The following RPRD1A variants were observed in gnomAD, a reference collection of about 807,000 sequenced individuals.
RPRD1A encodes regulation of nuclear pre-mRNA domain containing 1A.
RPRD1A carries 9 observed loss-of-function variants against 37.8 expected under a neutral mutation model. That is an observed-to-expected ratio of 0.24 (90% CI 0.14 to 0.42). RPRD1A has a LOEUF of 0.42. Among genes scored for constraint, RPRD1A ranks in the 10% least tolerant of loss-of-function variants. The pLI, the probability that RPRD1A is intolerant of heterozygous loss-of-function variation, is 1.00. For missense variants in RPRD1A, 255 were observed against 371.0 expected, an observed-to-expected ratio of 0.69 and a Z score of 2.57; for synonymous variants, 138 against 139.7, an observed-to-expected ratio of 0.99 and a Z score of 0.08.
At position 36,031,099 on chromosome 18, in the gene RPRD1A, T is replaced by TAAAAAAAAAAA; in HGVS notation, c.282-13_282-3dup. 2 of 1,370,738 alleles carry TAAAAAAAAAAA rather than the reference T, an allele frequency of 1.5e-6. No homozygotes were observed. Among genetic ancestry groups the TAAAAAAAAAAA allele is most frequent in the Non-Finnish European group, 1.9e-6 (2 of 1,060,808 alleles). The allele number at this position is 1,370,738 out of a possible 1,614,324, so 84.9% of individuals were successfully genotyped here. A position where few individuals can be genotyped will look rare whatever the true frequency, so the allele number is the denominator to read the frequency against. On this transcript the variant is annotated splice_polypyrimidine_tract_variant and splice_region_variant and intron_variant, in intron 2 of 6. Transcript: ENST00000399022. ...TTCTTACAACTTTCATCAGTTTCAC[T>TAAAAAAAAAAA]AAAAAAAAAAAAAAAGAAAAAAAGA...
chr18:36,007,846 G>C (rs1387290270), intron 6 of RPRD1A, among the ~76,000 whole-genome samples: 1 of 152,174 alleles, frequency 6.6e-6, no homozygotes, highest in Non-Finnish European at 1.5e-5. Context: ...GCTGAGGCAG[G>C]AGAATCGCTT....
intron 1 of RPRD1A, among the ~76,000 whole-genome samples, chr18:36,034,184 A>G (rs1912019997): frequency 6.6e-6 from 1 of 152,216 alleles, no homozygotes; most frequent in Admixed American, 6.5e-5. Flanking sequence ...TTGTTTTAAT[A>G]GACATGTTAA....
At chr18:36,030,769 T>C (rs1255291441) in intron 4 of RPRD1A, 39 bp downstream of exon 4, 2 of 1,254,134 alleles carry the variant, frequency 1.6e-6, no homozygotes, top group East Asian at 4.6e-5. Context: ...CAACATGAAG[T>C]AAAAGTTTGT....
intron 1 of RPRD1A, among the ~76,000 whole-genome samples, chr18:36,059,152 TAA>T (rs767632481): frequency 1.3e-5 from 2 of 152,300 alleles, no homozygotes; most frequent in Non-Finnish European, 2.9e-5. Context: ...TTTGTAATTT[TAA>T]AAATCTTTTT....
intron 1 of RPRD1A, among the ~76,000 whole-genome samples, chr18:36,053,327 T>C (rs56896499): frequency 0.091 from 13,869 of 152,206 alleles, 668 homozygotes; most frequent in African/African-American, 0.13. Flanking sequence ...CATTAAGTAG[T>C]TATTCCCCAT....
intron 6 of RPRD1A, among the ~76,000 whole-genome samples, chr18:36,021,860 G>C (rs574761770): frequency 2.9e-4 from 44 of 152,170 alleles, no homozygotes; most frequent in African/African-American, 1.1e-3. Flanking sequence ...AATTAGCCAG[G>C]CATGGTATCA....
Position 36,031,431 on chromosome 18 carries a change from A to T in RPRD1A, c.282-334T>A, listed in dbSNP as rs567940774. ...AAGATTTCTCATAGGTTATTTTTTT[A>T]AATTTATTCAACAAATACTTATTGA... On this transcript the variant is annotated intron_variant, in intron 2 of 6. Transcript: ENST00000399022. 1.9e-4 allele frequency among the ~76,000 whole-genome samples: 29 copies of T among 152,340 alleles called. 1 individual carries two copies. The highest frequency in any genetic ancestry group is 5.5e-4 in the African/African-American group (23 of 41,594).
intron 1 of RPRD1A, among the ~76,000 whole-genome samples, chr18:36,047,658 A>G (rs1287700243): frequency 6.6e-6 from 1 of 152,152 alleles, no homozygotes; most frequent in African/African-American, 2.4e-5. Flanking sequence ...TACAGACCCT[A>G]CAGGCATCCA....
chr18:36,066,787 A>G (rs1159307639), intron 1 of RPRD1A, among the ~76,000 whole-genome samples: 1 of 152,204 alleles, frequency 6.6e-6, no homozygotes, highest in Non-Finnish European at 1.5e-5. Context: ...TGCATTACCC[A>G]TCTTCTTATA....
chr18:36,050,248 A>T (rs1360108946), intron 1 of RPRD1A, among the ~76,000 whole-genome samples: 3 of 147,286 alleles, frequency 2.0e-5, no homozygotes, highest in Non-Finnish European at 4.6e-5. Flanking sequence ...CATATTTATA[A>T]AAAAAAAAAA....
At chr18:36,016,995 T>C (rs2144229021) in intron 6 of RPRD1A, among the ~76,000 whole-genome samples, 1 of 150,886 alleles carries the variant, frequency 6.6e-6, no homozygotes, top group Admixed American at 6.6e-5. Flanking sequence ...ATGATAAGCA[T>C]GTACTACTTT....
intron 1 of RPRD1A, among the ~76,000 whole-genome samples, chr18:36,037,530 A>G (rs1361331560): frequency 1.3e-5 from 2 of 152,226 alleles, no homozygotes; most frequent in African/African-American, 2.4e-5. Context: ...ATTTCTTCGT[A>G]ACAGCATGAG....
intron 6 of RPRD1A, among the ~76,000 whole-genome samples, chr18:36,024,555 T>C (rs1911230041): frequency 6.6e-6 from 1 of 152,208 alleles, no homozygotes; most frequent in South Asian, 2.1e-4. Flanking sequence ...CATGTTTTCA[T>C]TCATTACACA....
chr18:36,034,924 C>T (rs1912083841), intron 1 of RPRD1A, among the ~76,000 whole-genome samples: 1 of 152,224 alleles, frequency 6.6e-6, no homozygotes, highest in African/African-American at 2.4e-5. Context: ...CACAACTGAT[C>T]AAACTTTACA....
chr18:36,005,942 C>G (rs1598602035), intron 6 of RPRD1A, among the ~76,000 whole-genome samples: 1 of 149,720 alleles, frequency 6.7e-6, no homozygotes, highest in South Asian at 2.1e-4. Context: ...ATGTGAGGAG[C>G]TGTTTAAATG....
intron 6 of RPRD1A, among the ~76,000 whole-genome samples, chr18:35,996,508 C>T (rs1909066491): frequency 6.6e-6 from 1 of 152,102 alleles, no homozygotes. Context: ...TCATTAACAC[C>T]AGGCACCATG....
intron 6 of RPRD1A, among the ~76,000 whole-genome samples, chr18:35,999,440 A>T (rs1212871658): frequency 6.6e-6 from 1 of 152,238 alleles, no homozygotes; most frequent in African/African-American, 2.4e-5. Flanking sequence ...ATGATATCAG[A>T]ATCACCTTGC....
chr18:36,001,692 G>A (rs1421073392), intron 6 of RPRD1A, among the ~76,000 whole-genome samples: 1 of 152,088 alleles, frequency 6.6e-6, no homozygotes, highest in East Asian at 1.9e-4. Flanking sequence ...AGTACAATCT[G>A]GTTTGCGACA....
rs1339247337 is a variant in RPRD1A, at chr18:36,008,573, G to GTA, written c.790-15274_790-15273insTA. 1.1e-4 allele frequency among the ~76,000 whole-genome samples: 4 copies of GTA among 36,638 alleles called. 1 individual carries two copies. The highest frequency in any genetic ancestry group is 4.9e-4 in the African/African-American group (4 of 8,088). The allele number at this position is 36,638 out of a possible 152,430, so 24.0% of individuals were successfully genotyped here. A position where few individuals can be genotyped will look rare whatever the true frequency, so the allele number is the denominator to read the frequency against. On this transcript the variant is annotated intron_variant, in intron 6 of 6. Coordinates refer to ENST00000399022, the MANE Select transcript of RPRD1A (RefSeq NM_018170.5). ...CCTGGGCGACACAGCAAGACCTTGT[G>GTA]TGTGTATATATATATATCTTTAAAA... is the stretch of plus-strand genomic sequence containing the variant.
Sources: gnomAD v4.1 joint callset for allele counts (sites outside exome capture counted in the v4.1 genomes callset) on GRCh38, gnomAD v4.1.1 for gene constraint, MANE v1.5 for transcripts, NCBI Gene and HGNC (gene_info 2026-07-23, HGNC 2026-07-21) for gene names.